CCSER2: variants seen among roughly 807,000 people sequenced by gnomAD.
The protein encoded by CCSER2 is coiled-coil serine rich protein 2, also known as serine-rich coiled-coil domain-containing protein 2.
A neutral mutation model predicts 92.3 loss-of-function variants in CCSER2; 46 were observed. That is an observed-to-expected ratio of 0.50 (90% CI 0.39 to 0.64). The LOEUF (loss-of-function observed/expected upper bound fraction) is 0.64. Ranked by LOEUF, CCSER2 falls within the 30% of genes least tolerant of loss-of-function variation. The pLI is 0.00. For synonymous variants in CCSER2, 433 were observed against 431.4 expected (o/e 1.00, Z -0.04); for missense variants, 1,244 against 1,238.9 (o/e 1.00, Z -0.06).
intron 3 of CCSER2, among the ~76,000 whole-genome samples, chr10:84,384,870 C>T (rs1486718249): frequency 2.6e-5 from 4 of 152,084 alleles, no homozygotes; most frequent in Non-Finnish European, 5.9e-5. Flanking sequence ...CCTAAAGATT[C>T]CTCCAAAAGA....
At chr10:84,366,575 G>T (rs900455851) in intron 1 of CCSER2, among the ~76,000 whole-genome samples, 32 of 152,144 alleles carry the variant, frequency 2.1e-4, no homozygotes, top group Admixed American at 2.0e-4. Context: ...AATGTTGGTG[G>T]ATGTGGTGAT....
intron 3 of CCSER2, among the ~76,000 whole-genome samples, chr10:84,396,077 C>T (rs1841814953): frequency 6.6e-6 from 1 of 152,082 alleles, no homozygotes; most frequent in African/African-American, 2.4e-5. Context: ...TGACTCCAAT[C>T]AAATGCCACA....
At chr10:84,356,361 C>G (rs1356957029) in intron 1 of CCSER2, among the ~76,000 whole-genome samples, 1 of 152,030 alleles carries the variant, frequency 6.6e-6, no homozygotes, top group East Asian at 1.9e-4. Context: ...AGGATTTTTA[C>G]TTTTAAAAAA....
Position 84,361,523 on chromosome 10 carries a change from A to G in CCSER2, c.-39-9491A>G, listed in dbSNP as rs1036066609. The stretch of plus-strand genomic sequence containing the variant: ...TGGAATCACACTATATTTATCCTCA[A>G]GTCTCTGGATTCTCTTGTTTAAAGG... On this transcript the variant is annotated intron_variant, in intron 1 of 9. Coordinates refer to ENST00000372088, the MANE Select transcript of CCSER2 (RefSeq NM_001284240.2). Among the ~76,000 whole-genome samples, 5 of 152,240 alleles carry G rather than the reference A, an allele frequency of 3.3e-5. No individual in the cohort carries two copies. The South Asian group carries it at 1.0e-3, about 32-fold the overall frequency.
At chr10:84,424,281 T>TA (rs1244434863) in intron 4 of CCSER2, among the ~76,000 whole-genome samples, 2,215 of 141,214 alleles carry the variant, frequency 0.016, 26 homozygotes, top group Middle Eastern at 0.041. Flanking sequence ...TAACTGAACT[T>TA]AAAAAAAAAA....
chr10:84,349,956 C>T (rs528189810), intron 1 of CCSER2, among the ~76,000 whole-genome samples: 1 of 152,158 alleles, frequency 6.6e-6, no homozygotes, highest in African/African-American at 2.4e-5. Context: ...GAGTTCAAGA[C>T]CAGCCTGGCT....
At chr10:84,409,216 C>G (rs1842522966) in intron 3 of CCSER2, among the ~76,000 whole-genome samples, 1 of 152,156 alleles carries the variant, frequency 6.6e-6, no homozygotes, top group African/African-American at 2.4e-5. Context: ...GTCTTGAATT[C>G]CTGACCTCAG....
chr10:84,513,344 A>G, intron 9 of CCSER2, 105 bp from the exon 10 acceptor site: 1 of 848,410 alleles, frequency 1.2e-6, no homozygotes, highest in Non-Finnish European at 1.8e-6. Context: ...CATATTTTCC[A>G]TATTAAAGCC....
intron 1 of CCSER2, among the ~76,000 whole-genome samples, chr10:84,345,922 T>C (rs1041536058): frequency 2.6e-5 from 4 of 152,198 alleles, no homozygotes; most frequent in Admixed American, 1.3e-4. Flanking sequence ...TCCTTTGCTA[T>C]TGAATTAGAG....
chr10:84,461,909 A>G lies in CCSER2; in HGVS notation c.2065-2024A>G, dbSNP rs188430122. ...TATAATGAGATTCCTGATCTTCTTTAAATCTTTATTTTATTTTGTTTTTAA... is the reference window on the plus strand; with the variant it reads ...TATAATGAGATTCCTGATCTTCTTTGAATCTTTATTTTATTTTGTTTTTAA... On this transcript the variant is annotated intron_variant, in intron 6 of 9. Transcript: ENST00000372088. Among the ~76,000 whole-genome samples, 16 of 152,286 alleles carry G rather than the reference A, an allele frequency of 1.1e-4. 1 individual carries two copies. The East Asian group carries it at 3.1e-3, about 29-fold the overall frequency.
At position 84,514,133 on chromosome 10, in the gene CCSER2, C is replaced by T. The variant is rs200029239; in HGVS notation, c.3010C>T (p.Gln1004Ter). Reference sequence around the variant, plus strand: ...CCCCCAACTAGAGCCTCAAAGCTTCCAGGCCAAGACAAGCATCCCAAGGCC... The same window carrying T: ...CCCCCAACTAGAGCCTCAAAGCTTCTAGGCCAAGACAAGCATCCCAAGGCC... ...NSPQLEPQSF[Q>*]AKTSIPRPLT... Residue 1004 changes from glutamine to a stop codon, truncating the protein, a stop_gained, in exon 10 of 10, where the codon CAG (glutamine) becomes TAG (stop). Transcript: ENST00000372088. LOFTEE classifies it high-confidence loss of function. The T allele has an allele frequency of 1.4e-5, 22 of 1,536,104 alleles. No homozygotes were observed. The highest frequency in any genetic ancestry group is 1.8e-5 in the Non-Finnish European group (21 of 1,146,954).
intron 9 of CCSER2, chr10:84,499,981 C>G (rs775509543): frequency 1.9e-6 from 3 of 1,613,714 alleles, no homozygotes; most frequent in African/African-American, 1.3e-5. Context: ...TCTCTCACTC[C>G]TATCCTGCTC....
chr10:84,375,370 AGAT>A (rs1483252184), intron 3 of CCSER2, among the ~76,000 whole-genome samples: 2 of 152,192 alleles, frequency 1.3e-5, no homozygotes, highest in African/African-American at 4.8e-5. Flanking sequence ...TCTAAGGAGA[AGAT>A]GACAAAGTCT....
intron 8 of CCSER2, among the ~76,000 whole-genome samples, chr10:84,472,009 T>C (rs184620637): frequency 1.7e-3 from 251 of 152,114 alleles, no homozygotes; most frequent in African/African-American, 5.8e-3. Context: ...TATGAAATGC[T>C]TTAAAGTAAT....
intron 6 of CCSER2, among the ~76,000 whole-genome samples, chr10:84,451,260 T>TTTTTTTTTG (rs1554853075): frequency 6.7e-6 from 1 of 150,182 alleles, no homozygotes; most frequent in Non-Finnish European, 1.5e-5. Flanking sequence ...TTGGGTTTTT[T>TTTTTTTTTG]TTTTTTGTTT....
At chr10:84,435,147 T>G (rs532788800) in intron 5 of CCSER2, among the ~76,000 whole-genome samples, 7 of 152,286 alleles carry the variant, frequency 4.6e-5, no homozygotes, top group South Asian at 2.1e-4. Context: ...ATAAACTTTG[T>G]TCAATGAGCA....
chr10:84,430,138 T>A (rs1336609884), intron 5 of CCSER2, among the ~76,000 whole-genome samples: 1 of 152,122 alleles, frequency 6.6e-6, no homozygotes, highest in Non-Finnish European at 1.5e-5. Context: ...TAGGCACACC[T>A]GCAGTCCCTG....
At chr10:84,402,613 A>G (rs963742913) in intron 3 of CCSER2, among the ~76,000 whole-genome samples, 5 of 152,220 alleles carry the variant, frequency 3.3e-5, no homozygotes, top group Admixed American at 2.0e-4. Flanking sequence ...TATAACATCA[A>G]TTAATGACCT....
intron 6 of CCSER2, among the ~76,000 whole-genome samples, chr10:84,444,895 TATGGGATAA>T (rs1187128123): frequency 1.3e-5 from 2 of 152,180 alleles, no homozygotes; most frequent in Non-Finnish European, 2.9e-5. Context: ...ACAACATCAT[TATGGGATAA>T]GAATGACAAC....
Sources: allele counts gnomAD v4.1 joint callset (sites outside exome capture counted in the v4.1 genomes callset), GRCh38; gene constraint gnomAD v4.1.1; transcripts MANE v1.5; gene names NCBI Gene and HGNC (gene_info 2026-07-23, HGNC 2026-07-21).